Variants in PCDH9 observed in about 807,000 individuals in gnomAD.
PCDH9 encodes protocadherin-9.
PCDH9 carries 24 observed loss-of-function variants against 70.6 expected under a neutral mutation model. The ratio of observed to expected loss-of-function variants is 0.34; its 90% CI spans 0.25 to 0.48. The LOEUF is 0.48. PCDH9 is among the 20% of genes least tolerant of loss of function. The probability of loss-of-function intolerance (pLI) is 0.99; values close to 1 mark genes in which losing one functional copy is unlikely to be tolerated. For synonymous variants in PCDH9, 562 were observed against 558.5 expected, an observed-to-expected ratio of 1.01 and a Z score of -0.09; for missense variants, 1,281 against 1,503.6, an observed-to-expected ratio of 0.85 and a Z score of 2.45.
intron 3 of PCDH9, among the ~76,000 whole-genome samples, chr13:66,883,924 T>G (rs977107218): frequency 1.4e-5 from 2 of 141,896 alleles, no homozygotes; most frequent in East Asian, 4.1e-4. Flanking sequence ...TTTTTTTGAG[T>G]CCAAGTCTCA....
intron 2 of PCDH9, among the ~76,000 whole-genome samples, chr13:66,986,591 A>G (rs753816705): frequency 6.6e-6 from 1 of 152,020 alleles, no homozygotes; most frequent in Non-Finnish European, 1.5e-5. Flanking sequence ...GAGAAGAATG[A>G]CATAGATATA....
At chr13:66,824,902 G>T (rs2080791273) in intron 3 of PCDH9, among the ~76,000 whole-genome samples, 1 of 151,642 alleles carries the variant, frequency 6.6e-6, no homozygotes, top group Non-Finnish European at 1.5e-5. Context: ...TAACAGGAGA[G>T]ATTTTGTAGC....
chr13:66,483,153 G>A (rs34099737), intron 4 of PCDH9, among the ~76,000 whole-genome samples: 46,780 of 152,098 alleles, frequency 0.31, 7,299 homozygotes, highest in South Asian at 0.35. Flanking sequence ...TCGGAACTGC[G>A]CAGAAGAGAT....
chr13:66,404,705 G>C (rs1458436064), intron 4 of PCDH9, among the ~76,000 whole-genome samples: 1 of 152,010 alleles, frequency 6.6e-6, no homozygotes, highest in Non-Finnish European at 1.5e-5. Flanking sequence ...TACGTATGCT[G>C]TTTTAGTGCA....
intron 2 of PCDH9, among the ~76,000 whole-genome samples, chr13:66,998,084 T>G (rs932930432): frequency 9.9e-5 from 15 of 152,192 alleles, no homozygotes; most frequent in African/African-American, 3.6e-4. Context: ...ATGAGAAAAT[T>G]TTATATGAAG....
intron 3 of PCDH9, among the ~76,000 whole-genome samples, chr13:66,719,110 A>G (rs888115341): frequency 2.0e-5 from 3 of 152,162 alleles, no homozygotes; most frequent in Non-Finnish European, 4.4e-5. Flanking sequence ...TCAATCCCGA[A>G]GATGTAGTCG....
At chr13:66,721,977 C>T (rs536609986) in intron 3 of PCDH9, among the ~76,000 whole-genome samples, 15 of 152,246 alleles carry the variant, frequency 9.9e-5, no homozygotes, top group African/African-American at 3.4e-4. Context: ...TTTATGAACA[C>T]GGACCTCAAG....
At chr13:66,419,177 G>A (rs535873406) in intron 4 of PCDH9, among the ~76,000 whole-genome samples, 61 of 151,504 alleles carry the variant, frequency 4.0e-4, no homozygotes, top group African/African-American at 1.3e-3. Context: ...GAAAAAGAGG[G>A]ACTCCTCCCT....
chr13:66,872,971 A>G (rs1399450622), intron 3 of PCDH9, among the ~76,000 whole-genome samples: 2 of 152,190 alleles, frequency 1.3e-5, no homozygotes, highest in Non-Finnish European at 2.9e-5. Context: ...GATGATAGGA[A>G]GAAGATAGCT....
chr13:67,171,843 A>C (rs946333548), intron 2 of PCDH9, among the ~76,000 whole-genome samples: 1 of 152,164 alleles, frequency 6.6e-6, no homozygotes, highest in African/African-American at 2.4e-5. Flanking sequence ...CAAAGTTCCT[A>C]ACAGCAGAGC....
intron 3 of PCDH9, among the ~76,000 whole-genome samples, chr13:66,683,529 C>G (rs768525737): frequency 7.9e-5 from 12 of 152,188 alleles, no homozygotes; most frequent in Non-Finnish European, 1.3e-4. Flanking sequence ...ATCTTGACAG[C>G]AACAGCTAGC....
intron 4 of PCDH9, among the ~76,000 whole-genome samples, chr13:66,325,352 A>G (rs995624611): frequency 4.6e-5 from 7 of 152,094 alleles, no homozygotes; most frequent in Non-Finnish European, 8.8e-5. Context: ...TCCCAGCTCC[A>G]TGAATTAAGG....
Position 66,491,884 on chromosome 13 carries a change from C to T in PCDH9, c.3340+139326G>A, listed in dbSNP as rs536562999. 7.4e-4 allele frequency among the ~76,000 whole-genome samples: 113 copies of T among 152,218 alleles called. 2 individuals carry two copies. Among genetic ancestry groups the T allele is most frequent in the East Asian group, 1.9e-4 (1 of 5,162 alleles). On this transcript the variant is annotated intron_variant, in intron 4 of 4. Coordinates refer to ENST00000377865, the MANE Select transcript of PCDH9 (RefSeq NM_203487.3). ...ACTTTGGGTTAAGCTGATTCCACAT[C>T]GCGGGACTGTGATACTGGTAGGCCC... is the stretch of plus-strand genomic sequence containing the variant.
At chr13:66,733,876 C>G (rs1314987518) in intron 3 of PCDH9, among the ~76,000 whole-genome samples, 1 of 152,070 alleles carries the variant, frequency 6.6e-6, no homozygotes, top group Non-Finnish European at 1.5e-5. Flanking sequence ...GCAATGAAAA[C>G]AGAACACATC....
chr13:66,362,863 C>T lies in PCDH9; in HGVS notation c.3341-57835G>A, dbSNP rs539263820. On this transcript the variant is annotated intron_variant, in intron 4 of 4. Transcript: ENST00000377865. ...ATCTTACACAAGGCACATACTTTAT[C>T]TCACTTATATCTTCCTTCATTCATA... Among the ~76,000 whole-genome samples the T allele has an allele frequency of 6.2e-4, 94 of 152,262 alleles. 2 individuals are homozygous for T. In the South Asian group the frequency reaches 0.018, roughly 29 times the overall value.
At chr13:66,545,980 C>A (rs1310136576) in intron 4 of PCDH9, among the ~76,000 whole-genome samples, 1 of 151,614 alleles carries the variant, frequency 6.6e-6, no homozygotes, top group Non-Finnish European at 1.5e-5. Flanking sequence ...GGACTACAGG[C>A]ACCCACCACC....
chr13:66,764,955 A>G (rs116199584), intron 3 of PCDH9, among the ~76,000 whole-genome samples: 2 of 151,972 alleles, frequency 1.3e-5, no homozygotes, highest in African/African-American at 4.8e-5. Context: ...TTTAAGAAAT[A>G]AATTTTTTCT....
At chr13:66,339,996 C>T (rs550899759) in intron 4 of PCDH9, among the ~76,000 whole-genome samples, 86 of 152,226 alleles carry the variant, frequency 5.6e-4, no homozygotes, top group Middle Eastern at 3.4e-3. Context: ...CATGAACTTC[C>T]TCCTTTGTCT....
chr13:66,391,883 C>CATATAT (rs140840857), intron 4 of PCDH9, among the ~76,000 whole-genome samples: 15,195 of 142,912 alleles, frequency 0.11, 983 homozygotes, highest in East Asian at 0.25. Context: ...GCCATATATG[C>CATATAT]ATATATATAT....
Sources: gnomAD v4.1 joint callset for allele counts (sites outside exome capture counted in the v4.1 genomes callset) on GRCh38, gnomAD v4.1.1 for gene constraint, MANE v1.5 for transcripts, NCBI Gene and HGNC (gene_info 2026-07-23, HGNC 2026-07-21) for gene names.